Variants in HS3ST3A1 observed in about 807,000 individuals in gnomAD.
The protein encoded by HS3ST3A1 is heparan sulfate glucosamine 3-O-sulfotransferase 3A1.
HS3ST3A1 carries 19 observed loss-of-function variants against 25.7 expected under a neutral mutation model. The ratio of observed to expected loss-of-function variants is 0.74; its 90% confidence interval spans 0.52 to 1.08. The LOEUF is 1.08. Ranked by LOEUF, HS3ST3A1 falls within the 50% of genes least tolerant of loss-of-function variation. HS3ST3A1 has a pLI of 0.00. For missense variants in HS3ST3A1, 459 were observed against 594.3 expected (o/e 0.77, Z 2.37); for synonymous variants, 226 against 278.6 (o/e 0.81, Z 1.88).
intron 1 of HS3ST3A1, among the ~76,000 whole-genome samples, chr17:13,544,990 T>C (rs1467326463): frequency 6.6e-6 from 1 of 152,154 alleles, no homozygotes; most frequent in Non-Finnish European, 1.5e-5. Context: ...GTCAGATAAC[T>C]GTTTATGAAA....
chr17:13,572,165 T>C (rs988895611), intron 1 of HS3ST3A1, among the ~76,000 whole-genome samples: 1 of 152,206 alleles, frequency 6.6e-6, no homozygotes, highest in Non-Finnish European at 1.5e-5. Flanking sequence ...TCTCTCTCCT[T>C]ACCATGTCCT....
chr17:13,547,813 C>A (rs919540705), intron 1 of HS3ST3A1, among the ~76,000 whole-genome samples: 1 of 151,976 alleles, frequency 6.6e-6, no homozygotes, highest in African/African-American at 2.4e-5. Context: ...TATGGGGCAG[C>A]CTTGTGGGAG....
At chr17:13,578,365 C>A (rs555348939) in intron 1 of HS3ST3A1, among the ~76,000 whole-genome samples, 1 of 140,542 alleles carries the variant, frequency 7.1e-6, no homozygotes, top group South Asian at 2.3e-4. Flanking sequence ...CCGGCCAACA[C>A]GGTGAAATCC....
chr17:13,561,179 G>A (rs1051734628), intron 1 of HS3ST3A1, among the ~76,000 whole-genome samples: 12 of 152,114 alleles, frequency 7.9e-5, no homozygotes, highest in Non-Finnish European at 1.3e-4. Context: ...GTATTTACAA[G>A]CTCCCAGGAG....
chr17:13,559,443 T>A (rs1445089817), intron 1 of HS3ST3A1, among the ~76,000 whole-genome samples: 1 of 151,084 alleles, frequency 6.6e-6, no homozygotes, highest in Non-Finnish European at 1.5e-5. Context: ...TACATGTGAA[T>A]ATATATTCAA....
intron 1 of HS3ST3A1, among the ~76,000 whole-genome samples, chr17:13,594,796 T>G (rs62053924): frequency 0.13 from 19,157 of 149,946 alleles, 1,279 homozygotes; most frequent in Non-Finnish European, 0.15. Flanking sequence ...CAGCTCATCC[T>G]TACTAGACAG....
chr17:13,545,453 T>C (rs534805087), intron 1 of HS3ST3A1, among the ~76,000 whole-genome samples: 2 of 152,316 alleles, frequency 1.3e-5, no homozygotes, highest in East Asian at 1.9e-4. Context: ...CTGAGAAATC[T>C]TTCCTTCTTT....
At chr17:13,538,071 G>A (rs1344953453) in intron 1 of HS3ST3A1, among the ~76,000 whole-genome samples, 2 of 152,160 alleles carry the variant, frequency 1.3e-5, no homozygotes, top group African/African-American at 4.8e-5. Context: ...CATCTATTTG[G>A]TCTGTCAGGG....
intron 1 of HS3ST3A1, among the ~76,000 whole-genome samples, chr17:13,600,310 A>C (rs1358200638): frequency 6.6e-6 from 1 of 152,154 alleles, no homozygotes; most frequent in East Asian, 1.9e-4. Context: ...ATTCCCAAGG[A>C]TGAAAATTAT....
chr17:13,586,653 G>C (rs1431000136), intron 1 of HS3ST3A1, among the ~76,000 whole-genome samples: 2 of 151,336 alleles, frequency 1.3e-5, no homozygotes. Context: ...GGATCACGAG[G>C]TCAGCAGATT....
chr17:13,499,007 A>G lies in HS3ST3A1; in HGVS notation c.600-2189T>C, dbSNP rs1312326120. On this transcript the variant is annotated intron_variant, in intron 1 of 1. Transcript: ENST00000284110. ...TTCAGTCAGTTTATCTTTACTTTTTATAGACATTTGCTTTCTGTTTCTGAG... is the reference window on the plus strand; with the variant it reads ...TTCAGTCAGTTTATCTTTACTTTTTGTAGACATTTGCTTTCTGTTTCTGAG... Among the ~76,000 whole-genome samples, 7 of 143,272 alleles carry G rather than the reference A, an allele frequency of 4.9e-5. No individual in the cohort carries two copies. The East Asian group carries it at 1.0e-3, about 21-fold the overall frequency. The allele number at this position is 143,272 out of a possible 152,430, so 94.0% of individuals were successfully genotyped here.
chr17:13,579,116 G>A, intron 1 of HS3ST3A1, among the ~76,000 whole-genome samples: 1 of 151,844 alleles, frequency 6.6e-6, no homozygotes, highest in Non-Finnish European at 1.5e-5. Context: ...GAAATTTTTT[G>A]TCTTTGTTGT....
chr17:13,556,461 C>A lies in HS3ST3A1; in HGVS notation c.599+44070G>T, dbSNP rs185008111. ...AGGCGGAGCTTGCAGTGAGCCGAGA[C>A]TGTGCCACTGCACTCCAGCCTAGGC... On this transcript the variant is annotated intron_variant, in intron 1 of 1. Coordinates refer to ENST00000284110, the MANE Select transcript of HS3ST3A1 (RefSeq NM_006042.3). Among the ~76,000 whole-genome samples, 402 of 151,516 alleles carry A rather than the reference C, an allele frequency of 2.7e-3. 3 individuals carry two copies. Among genetic ancestry groups the A allele is most frequent in the African/African-American group, 9.4e-3 (388 of 41,272 alleles).
At chr17:13,569,545 G>C (rs1441185832) in intron 1 of HS3ST3A1, among the ~76,000 whole-genome samples, 1 of 152,150 alleles carries the variant, frequency 6.6e-6, no homozygotes, top group Admixed American at 6.5e-5. Context: ...CGGCCTGTCA[G>C]CAAGTACACA....
chr17:13,519,452 T>C (rs537533516), intron 1 of HS3ST3A1, among the ~76,000 whole-genome samples: 2 of 152,272 alleles, frequency 1.3e-5, no homozygotes, highest in African/African-American at 4.8e-5. Flanking sequence ...TGATTATGTC[T>C]ATTTTGAAGA....
At chr17:13,530,642 T>C (rs972996115) in intron 1 of HS3ST3A1, among the ~76,000 whole-genome samples, 3 of 115,978 alleles carry the variant, frequency 2.6e-5, no homozygotes, top group Non-Finnish European at 5.0e-5. Context: ...GTTACCTCCC[T>C]TTGTAAGACT....
intron 1 of HS3ST3A1, 98 bp downstream of exon 1, chr17:13,600,433 G>A: frequency 7.0e-7 from 1 of 1,425,700 alleles, no homozygotes. Flanking sequence ...ATGAAGTGGG[G>A]AGGAGGGCGA....
intron 1 of HS3ST3A1, among the ~76,000 whole-genome samples, chr17:13,571,758 T>TTTG (rs918116082): frequency 1.3e-5 from 2 of 152,230 alleles, no homozygotes; most frequent in South Asian, 2.1e-4. Flanking sequence ...ATAATAATGT[T>TTTG]TTGTTGTTGT....
chr17:13,514,723 G>A (rs78534469), intron 1 of HS3ST3A1, among the ~76,000 whole-genome samples: 8,292 of 152,208 alleles, frequency 0.054, 239 homozygotes, highest in African/African-American at 0.075. Flanking sequence ...TGCCAGAGAC[G>A]AGGAGAGGGT....
Sources: allele counts gnomAD v4.1 joint callset (sites outside exome capture counted in the v4.1 genomes callset), GRCh38; gene constraint gnomAD v4.1.1; transcripts MANE v1.5; gene names NCBI Gene and HGNC (gene_info 2026-07-23, HGNC 2026-07-21).